EPHA5: variants seen among roughly 807,000 people sequenced by gnomAD.
EPHA5 encodes the protein ephrin type-A receptor 5.
EPHA5 carries 60 observed loss-of-function variants against 105.0 expected under a neutral mutation model. The ratio of observed to expected loss-of-function variants is 0.57; its 90% CI spans 0.46 to 0.71. The LOEUF (loss-of-function observed/expected upper bound fraction) is 0.71. Ranked by LOEUF, EPHA5 falls within the 30% of genes least tolerant of loss-of-function variation. The pLI, the probability that EPHA5 is intolerant of heterozygous loss-of-function variation, is 0.00. For synonymous variants in EPHA5, 513 were observed against 449.1 expected, an observed-to-expected ratio of 1.14 and a Z score of -1.80; for missense variants, 1,218 against 1,274.7, an observed-to-expected ratio of 0.96 and a Z score of 0.68.
chr4:65,564,455 C>T (rs535982695), intron 3 of EPHA5, among the ~76,000 whole-genome samples: 1 of 151,758 alleles, frequency 6.6e-6, no homozygotes, highest in South Asian at 2.1e-4. Context: ...TTTGTGAATC[C>T]AGAATTAACC....
At chr4:65,618,883 G>A (rs908249573) in intron 2 of EPHA5, among the ~76,000 whole-genome samples, 3 of 152,122 alleles carry the variant, frequency 2.0e-5, no homozygotes, top group Admixed American at 1.3e-4. Flanking sequence ...GGTTGGGCGC[G>A]GTGGCTCACG....
chr4:65,553,689 G>T (rs1187354413), intron 3 of EPHA5, among the ~76,000 whole-genome samples: 3 of 151,992 alleles, frequency 2.0e-5, no homozygotes, highest in Non-Finnish European at 4.4e-5. Context: ...AAATATTTGT[G>T]AAATATTGGG....
At chr4:65,506,302 A>G (rs1370838773) in intron 3 of EPHA5, among the ~76,000 whole-genome samples, 1 of 151,346 alleles carries the variant, frequency 6.6e-6, no homozygotes, top group African/African-American at 2.4e-5. Context: ...TAGTGCCACA[A>G]TAAACATACG....
At chr4:65,503,944 C>CACACACAT (rs1553928000) in intron 3 of EPHA5, among the ~76,000 whole-genome samples, 4 of 141,156 alleles carry the variant, frequency 2.8e-5, no homozygotes, top group Non-Finnish European at 6.2e-5. Context: ...CACACACACA[C>CACACACAT]ATATATTTAA....
At chr4:65,573,731 T>C (rs997283576) in intron 3 of EPHA5, 1 of 1,602,234 alleles carries the variant, frequency 6.2e-7, no homozygotes. Context: ...TTCTTGCAAC[T>C]GTTACAAAAC....
At chr4:65,535,284 C>A (rs911021426) in intron 3 of EPHA5, among the ~76,000 whole-genome samples, 1 of 151,948 alleles carries the variant, frequency 6.6e-6, no homozygotes, top group Non-Finnish European at 1.5e-5. Flanking sequence ...ATTAACGATC[C>A]CCATTGTCTG....
chr4:65,468,998 T>C (rs1225728039), intron 5 of EPHA5, among the ~76,000 whole-genome samples: 2 of 151,978 alleles, frequency 1.3e-5, no homozygotes, highest in Non-Finnish European at 2.9e-5. Context: ...ATAGGTTTTG[T>C]GGTAAGCACT....
At chr4:65,348,783 G>GTGTGTGTGCA (rs1192990055) in intron 13 of EPHA5, among the ~76,000 whole-genome samples, 3 of 17,594 alleles carry the variant, frequency 1.7e-4, no homozygotes, top group Non-Finnish European at 5.8e-4. Flanking sequence ...GTGTGCATGT[G>GTGTGTGTGCA]TGTGTGTGTG....
intron 3 of EPHA5, among the ~76,000 whole-genome samples, chr4:65,544,809 G>T (rs941809310): frequency 6.6e-6 from 1 of 151,848 alleles, no homozygotes; most frequent in Non-Finnish European, 1.5e-5. Flanking sequence ...CAATAGCAAA[G>T]ACCTGTAACC....
intron 5 of EPHA5, among the ~76,000 whole-genome samples, chr4:65,462,564 C>T (rs1195415318): frequency 6.6e-6 from 1 of 152,118 alleles, no homozygotes; most frequent in Admixed American, 6.5e-5. Flanking sequence ...TCTGGGGCTT[C>T]AGTGGGGGAG....
intron 3 of EPHA5, among the ~76,000 whole-genome samples, chr4:65,511,418 G>T: frequency 6.6e-6 from 1 of 152,156 alleles, no homozygotes; most frequent in East Asian, 1.9e-4. Context: ...TAGTTGTGAT[G>T]ATGAGTTTTT....
At chr4:65,595,406 A>G (rs1038828392) in intron 3 of EPHA5, among the ~76,000 whole-genome samples, 3 of 152,120 alleles carry the variant, frequency 2.0e-5, no homozygotes, top group African/African-American at 4.8e-5. Flanking sequence ...CAAAATTTTT[A>G]TAAAGGAAGT....
intron 7 of EPHA5, among the ~76,000 whole-genome samples, chr4:65,406,526 G>T (rs946625838): frequency 5.9e-5 from 9 of 152,014 alleles, no homozygotes; most frequent in African/African-American, 2.2e-4. Flanking sequence ...CCACAGCAAT[G>T]TATGAATGAT....
intron 3 of EPHA5, among the ~76,000 whole-genome samples, chr4:65,552,380 G>T (rs765624483): frequency 1.2e-4 from 18 of 152,164 alleles, no homozygotes; most frequent in Non-Finnish European, 2.4e-4. Flanking sequence ...GGCTTTAAAT[G>T]CCACTTTCAT....
intron 3 of EPHA5, among the ~76,000 whole-genome samples, chr4:65,514,773 T>A (rs1275855036): frequency 1.3e-5 from 2 of 152,082 alleles, no homozygotes; most frequent in African/African-American, 2.4e-5. Flanking sequence ...CCAATTCAAT[T>A]CCTTGATGCT....
In EPHA5 at chr4:65,335,988, C is replaced by G. The variant is rs2148812948; in HGVS notation, c.2733G>C (p.Leu911Phe). 1 of 1,613,138 alleles carries G rather than the reference C, an allele frequency of 6.2e-7. No homozygotes were observed. The highest frequency in any genetic ancestry group is 8.5e-7 in the Non-Finnish European group (1 of 1,179,470). The change falls in exon 15 of 17, where the codon TTG (leucine) becomes TTC (phenylalanine). Residue 911 changes from leucine to phenylalanine, a missense_variant. By Grantham distance (22) the Leu-to-Phe change is conservative (BLOSUM62 0). Transcript: ENST00000613740. ...RPKFDEIVNMLDKLIRNPSSL... is the reference protein window; with the variant it reads ...RPKFDEIVNMFDKLIRNPSSL... Reference sequence around the variant, plus strand: ...TACTTGGGTTACGTATCAGCTTGTCCAACATGTTGACTATTTCATCAAACT... The same window carrying G: ...TACTTGGGTTACGTATCAGCTTGTCGAACATGTTGACTATTTCATCAAACT...
At chr4:65,654,623 A>G (rs1007318694) in intron 1 of EPHA5, among the ~76,000 whole-genome samples, 2 of 150,428 alleles carry the variant, frequency 1.3e-5, no homozygotes, top group Non-Finnish European at 3.0e-5. Context: ...GGATGTAACT[A>G]TCTAAGTTAA....
intron 3 of EPHA5, among the ~76,000 whole-genome samples, chr4:65,504,365 A>AT (rs1560617383): frequency 4.1e-5 from 6 of 147,238 alleles, no homozygotes; most frequent in Non-Finnish European, 6.0e-5. Context: ...TATATTGAAA[A>AT]ATATATATAT....
At chr4:65,467,815 C>T (rs1253450090) in intron 5 of EPHA5, among the ~76,000 whole-genome samples, 3 of 151,918 alleles carry the variant, frequency 2.0e-5, no homozygotes, top group Non-Finnish European at 4.4e-5. Context: ...TCTGGGTGGG[C>T]CCAATGTAAT....
Sources: gnomAD v4.1 joint callset for allele counts (sites outside exome capture counted in the v4.1 genomes callset) on GRCh38, gnomAD v4.1.1 for gene constraint, MANE v1.5 for transcripts, NCBI Gene and HGNC (gene_info 2026-07-23, HGNC 2026-07-21) for gene names.